The following LRFN5 variants were observed in gnomAD, a reference collection of about 807,000 sequenced individuals.
LRFN5 encodes the protein leucine rich repeat and fibronectin type III domain containing 5.
Under a neutral mutation model 45.6 loss-of-function variants are expected in LRFN5, and 24 were observed. The observed-to-expected ratio is 0.53, with a 90% CI of 0.38 to 0.74. The LOEUF is 0.74. LRFN5 is among the 30% of genes least tolerant of loss of function. The pLI is 0.00. For missense variants in LRFN5, 776 were observed against 861.5 expected (o/e 0.90, Z 1.24); for synonymous variants, 340 against 313.8 (o/e 1.08, Z -0.88).
chr14:41,768,808 G>C (rs1885978513), intron 2 of LRFN5, among the ~76,000 whole-genome samples: 1 of 152,114 alleles, frequency 6.6e-6, no homozygotes, highest in South Asian at 2.1e-4. Context: ...TTGACTGATA[G>C]ATTCTCTAGT....
At chr14:41,847,047 C>A (rs1889093422) in intron 2 of LRFN5, among the ~76,000 whole-genome samples, 1 of 152,142 alleles carries the variant, frequency 6.6e-6, no homozygotes, top group African/African-American at 2.4e-5. Context: ...TACAATTTTT[C>A]TGCCTACCAT....
At chr14:41,842,990 T>C (rs919630871) in intron 2 of LRFN5, among the ~76,000 whole-genome samples, 5 of 152,048 alleles carry the variant, frequency 3.3e-5, no homozygotes, top group African/African-American at 1.2e-4. Flanking sequence ...ATGTTTTATA[T>C]GTTATTCATA....
chr14:41,796,660 A>G (rs1306062543), intron 2 of LRFN5, among the ~76,000 whole-genome samples: 1 of 151,968 alleles, frequency 6.6e-6, no homozygotes, highest in Non-Finnish European at 1.5e-5. Context: ...GCATTACTAT[A>G]TCAATGTATA....
Position 41,856,455 on chromosome 14 carries a change from C to T in LRFN5, c.-20-30151C>T, listed in dbSNP as rs78462012. ...AGAAAGACATTTAAATAGTGCATGG[C>T]CGTTTCCGTCAAGGAGTTAAAGCCC... On this transcript the variant is annotated intron_variant, in intron 2 of 5. Transcript: ENST00000298119. 3.3e-4 allele frequency among the ~76,000 whole-genome samples: 50 copies of T among 151,922 alleles called. No homozygotes were observed. In the East Asian group the frequency reaches 8.7e-3, roughly 27 times the overall value.
chr14:41,698,400 T>C (rs1200769368), intron 1 of LRFN5, among the ~76,000 whole-genome samples: 2 of 152,106 alleles, frequency 1.3e-5, no homozygotes, highest in East Asian at 3.8e-4. Flanking sequence ...AATGATGTTT[T>C]TTGCACATTG....
At chr14:41,748,179 T>G (rs1884996027) in intron 1 of LRFN5, among the ~76,000 whole-genome samples, 1 of 151,898 alleles carries the variant, frequency 6.6e-6, no homozygotes, top group Non-Finnish European at 1.5e-5. Flanking sequence ...GGTATAGAAG[T>G]GGAAAGAATA....
intron 1 of LRFN5, among the ~76,000 whole-genome samples, chr14:41,628,652 G>T (rs994346085): frequency 6.6e-6 from 1 of 152,030 alleles, no homozygotes; most frequent in African/African-American, 2.4e-5. Context: ...CAAGAGAGAG[G>T]TGATTGTTGT....
rs570360406 is a variant in LRFN5, at chr14:41,761,329, A to G, written c.-196-5525A>G. 7.2e-4 allele frequency among the ~76,000 whole-genome samples: 109 copies of G among 152,206 alleles called. No individual in the cohort carries two copies. The Middle Eastern group carries it at 0.01, about 14-fold the overall frequency. On this transcript the variant is annotated intron_variant, in intron 1 of 5. Transcript: ENST00000298119. The stretch of plus-strand genomic sequence containing the variant: ...GAGGGAAGGAAGAAATGGGGGATAC[A>G]GGAAAAAAGAAAGAAGGGAGAAGGG...
intron 2 of LRFN5, among the ~76,000 whole-genome samples, chr14:41,834,213 C>T (rs553946660): frequency 2.0e-5 from 3 of 152,250 alleles, no homozygotes; most frequent in African/African-American, 2.4e-5. Flanking sequence ...TTTTAGATCT[C>T]ATTTTGGTCT....
At chr14:41,747,437 A>C (rs1009515370) in intron 1 of LRFN5, among the ~76,000 whole-genome samples, 11 of 152,050 alleles carry the variant, frequency 7.2e-5, no homozygotes, top group African/African-American at 2.7e-4. Flanking sequence ...AGGTGGGGAA[A>C]GGACAGTCTT....
intron 2 of LRFN5, among the ~76,000 whole-genome samples, chr14:41,823,716 A>T (rs968413708): frequency 1.3e-5 from 2 of 152,074 alleles, no homozygotes; most frequent in African/African-American, 4.8e-5. Context: ...ATTTTTCTTC[A>T]GTTATTCCCT....
chr14:41,830,905 G>A (rs1375071119), intron 2 of LRFN5, among the ~76,000 whole-genome samples: 6 of 152,162 alleles, frequency 3.9e-5, no homozygotes, highest in Non-Finnish European at 8.8e-5. Context: ...GACTGCAACA[G>A]CCTTCAGAGA....
At chr14:41,654,878 C>G (rs1347122330) in intron 1 of LRFN5, among the ~76,000 whole-genome samples, 1 of 152,012 alleles carries the variant, frequency 6.6e-6, no homozygotes, top group Admixed American at 6.6e-5. Flanking sequence ...AGAGATACCA[C>G]ATGAACAGTA....
rs577044060 is a variant in LRFN5, at chr14:41,841,333, A to T, written c.-20-45273A>T. 3.6e-4 allele frequency among the ~76,000 whole-genome samples: 55 copies of T among 152,030 alleles called. No homozygotes were observed. The South Asian group carries it at 4.4e-3, about 12-fold the overall frequency. On this transcript the variant is annotated intron_variant, in intron 2 of 5. Coordinates refer to ENST00000298119, the MANE Select transcript of LRFN5 (RefSeq NM_152447.5). The stretch of plus-strand genomic sequence containing the variant: ...GAGAAAAGTAAAATGGCTTCACTGG[A>T]TGGAAATAGCTAGTTCGAAATTTAG...
intron 1 of LRFN5, among the ~76,000 whole-genome samples, chr14:41,746,409 T>C (rs1353975924): frequency 1.3e-5 from 2 of 151,998 alleles, no homozygotes; most frequent in Non-Finnish European, 2.9e-5. Context: ...GGGGCAAGAC[T>C]AAAATATTTA....
At chr14:41,806,546 A>G (rs1887532737) in intron 2 of LRFN5, among the ~76,000 whole-genome samples, 2 of 152,174 alleles carry the variant, frequency 1.3e-5, no homozygotes, top group African/African-American at 2.4e-5. Context: ...GTGTGATAAT[A>G]CTAAGTATTC....
At chr14:41,738,904 A>T (rs562094006) in intron 1 of LRFN5, among the ~76,000 whole-genome samples, 7 of 152,224 alleles carry the variant, frequency 4.6e-5, no homozygotes, top group Admixed American at 2.0e-4. Context: ...ACAACAAATG[A>T]ATCTAACAGG....
chr14:41,731,705 A>G (rs1028726546), intron 1 of LRFN5: 1 of 152,170 alleles, frequency 6.6e-6, no homozygotes, highest in African/African-American at 2.4e-5. Flanking sequence ...CCAGAAAAAT[A>G]TTTGAAAAAA....
rs1890616783 is a variant in LRFN5 at position 41,887,506 on chromosome 14, A to G, written c.881A>G (p.His294Arg). 6 of 1,614,182 alleles carry G rather than the reference A, an allele frequency of 3.7e-6. No individual in the cohort carries two copies. Among genetic ancestry groups the G allele is most frequent in the Non-Finnish European group, 4.2e-6 (5 of 1,180,026 alleles). Reference sequence around the variant, plus strand: ...CCTCCTCTCATTACTCGTCATACACATGAGATGAGAGTCCTGGAGGGACAA... The same window carrying G: ...CCTCCTCTCATTACTCGTCATACACGTGAGATGAGAGTCCTGGAGGGACAA... ...CEPPLITRHT[H>R]EMRVLEGQRA... The change falls in exon 3 of 6, where the codon CAT (histidine) becomes CGT (arginine). Residue 294 changes from histidine to arginine, a missense_variant. His to Arg is a conservative substitution (Grantham distance 29). Around this residue, in one of 2 missense-constraint regions of LRFN5, gnomAD observed 311 missense variants for 405.1 expected, o/e 0.77. Transcript: ENST00000298119. This position sits in a 1 kb window ranked among gnomAD's most constrained non-coding sequence, Gnocchi z 4.8.
Sources: allele counts gnomAD v4.1 joint callset (sites outside exome capture counted in the v4.1 genomes callset), GRCh38; gene constraint gnomAD v4.1.1; regional missense constraint gnomAD v4.1.1; non-coding constraint Gnocchi (gnomAD v3.1); transcripts MANE v1.5; gene names NCBI Gene and HGNC (gene_info 2026-07-23, HGNC 2026-07-21).